Variants in GRB10 observed in about 807,000 individuals in gnomAD.
GRB10 encodes growth factor receptor-bound protein 10.
A neutral mutation model predicts 80.9 loss-of-function variants in GRB10; 20 were observed. The observed-to-expected ratio is 0.25, with a 90% confidence interval of 0.17 to 0.36. The LOEUF is 0.36. GRB10 is among the 10% of genes least tolerant of loss of function. The pLI is 1.00. For missense variants in GRB10, 548 were observed against 747.7 expected (o/e 0.73, Z 3.12); for synonymous variants, 291 against 291.5 (o/e 1.00, Z 0.02).
At chr7:50,606,596 C>T in intron 13 of GRB10, 182 bp from the exon 14 acceptor site, 1 of 621,782 alleles carries the variant, frequency 1.6e-6, no homozygotes, top group East Asian at 2.8e-5. Context: ...CAATGACGCC[C>T]CTTGAAATAA....
intron 2 of GRB10, among the ~76,000 whole-genome samples, chr7:50,765,114 A>G (rs1191217907): frequency 1.3e-5 from 2 of 152,232 alleles, no homozygotes; most frequent in African/African-American, 4.8e-5. Flanking sequence ...AATCAAAACC[A>G]CAATAAGATA....
chr7:50,615,024 G>GGT, intron 11 of GRB10, 144 bp from the exon 12 acceptor site: 1 of 691,896 alleles, frequency 1.4e-6, no homozygotes, highest in Non-Finnish European at 2.6e-6. Context: ...TATTACGCGA[G>GGT]GTGTAATAAG....
intron 7 of GRB10, among the ~76,000 whole-genome samples, chr7:50,660,824 G>GCATCTTATC (rs143375879): frequency 0.27 from 40,670 of 151,768 alleles, 6,649 homozygotes; most frequent in Middle Eastern, 0.5. Context: ...TGATGGCGCA[G>GCATCTTATC]CATCTTATCC....
intron 3 of GRB10, among the ~76,000 whole-genome samples, chr7:50,743,450 C>T (rs775837114): frequency 4.6e-5 from 7 of 152,206 alleles, no homozygotes; most frequent in African/African-American, 1.4e-4. Context: ...CGCAGTGCTG[C>T]GAAGCACAGC....
chr7:50,738,534 G>A (rs971763500), intron 3 of GRB10, among the ~76,000 whole-genome samples: 1 of 152,208 alleles, frequency 6.6e-6, no homozygotes, highest in Non-Finnish European at 1.5e-5. Context: ...AAATTCATGG[G>A]ATCAAGCAAT....
rs1024959692 is a variant in GRB10, at chr7:50,612,843, C to G, written c.1096-4G>C. On this transcript the variant is annotated splice_polypyrimidine_tract_variant and splice_region_variant and intron_variant, in intron 12 of 18. Coordinates refer to ENST00000401949, the MANE Select transcript of GRB10 (RefSeq NM_001350814.2). ...TTTCATTCCTGACTTTGTTTGGCTA[C>G]AGGAGGTAAAAGAAAGTCCTGTTAG... 1 of 1,608,702 alleles carries G rather than the reference C, an allele frequency of 6.2e-7. No homozygotes were observed. The highest frequency in any genetic ancestry group is 8.5e-7 in the Non-Finnish European group (1 of 1,175,394).
intron 13 of GRB10, among the ~76,000 whole-genome samples, chr7:50,609,837 G>A (rs1231954291): frequency 6.6e-6 from 1 of 152,232 alleles, no homozygotes; most frequent in Admixed American, 6.5e-5. Flanking sequence ...TGAGACAAAA[G>A]ATTATCTGCT....
At chr7:50,616,834 A>G (rs1013910192) in intron 10 of GRB10, among the ~76,000 whole-genome samples, 16 of 152,252 alleles carry the variant, frequency 1.1e-4, no homozygotes, top group African/African-American at 3.4e-4. Context: ...TCCCACAGGC[A>G]GCCTTAAGAA....
intron 3 of GRB10, among the ~76,000 whole-genome samples, chr7:50,740,777 T>C (rs909079014): frequency 6.6e-6 from 1 of 150,820 alleles, no homozygotes; most frequent in African/African-American, 2.4e-5. Flanking sequence ...TAGCAGTAAA[T>C]GTCAGTCATC....
intron 2 of GRB10, among the ~76,000 whole-genome samples, chr7:50,757,367 T>C (rs552200775): frequency 1.3e-5 from 2 of 152,362 alleles, no homozygotes; most frequent in South Asian, 4.1e-4. Flanking sequence ...TAAACAAATG[T>C]ATACTCATCA....
At position 50,628,651 on chromosome 7, in the gene GRB10, G is replaced by A. The variant is rs548208189; in HGVS notation, c.505-1673C>T. 5.3e-5 allele frequency among the ~76,000 whole-genome samples: 8 copies of A among 152,250 alleles called. No homozygotes were observed. The South Asian group carries it at 1.5e-3, about 28-fold the overall frequency. ...GGCAGGTTAGCCTCCCAGCAGACGG[G>A]GGACCAGCCAGGGGAGCCTGCACTC... On this transcript the variant is annotated intron_variant, in intron 7 of 18. Coordinates refer to ENST00000401949, the MANE Select transcript of GRB10 (RefSeq NM_001350814.2).
intron 4 of GRB10, among the ~76,000 whole-genome samples, chr7:50,724,229 T>C (rs1165683504): frequency 1.3e-5 from 2 of 152,202 alleles, no homozygotes; most frequent in Non-Finnish European, 2.9e-5. Flanking sequence ...TATCCTGAGA[T>C]AGCCAAGACT....
chr7:50,680,935 C>T (rs1000901997), intron 5 of GRB10, among the ~76,000 whole-genome samples: 3 of 152,116 alleles, frequency 2.0e-5, no homozygotes, highest in Admixed American at 2.0e-4. Flanking sequence ...GACCCTCCTC[C>T]AAGAAGATCC....
At chr7:50,760,101 G>A (rs915033973) in intron 2 of GRB10, among the ~76,000 whole-genome samples, 1 of 152,158 alleles carries the variant, frequency 6.6e-6, no homozygotes, top group Non-Finnish European at 1.5e-5. Flanking sequence ...TCCCTCTACG[G>A]CCATGCAGAC....
In GRB10 at chr7:50,662,129, G is replaced by A. The variant is rs554534598; in HGVS notation, c.504+7593C>T. ...CTGCAATGTTGTGGAGTTGGAGTCT[G>A]GCCCCATGCCCAGGTGCCTTGACCT... On this transcript the variant is annotated intron_variant, in intron 7 of 18. Transcript: ENST00000401949. 3.9e-5 allele frequency among the ~76,000 whole-genome samples: 6 copies of A among 152,336 alleles called. No individual in the cohort carries two copies. The East Asian group carries it at 9.7e-4, about 25-fold the overall frequency.
At chr7:50,764,047 C>T (rs1459746381) in intron 2 of GRB10, among the ~76,000 whole-genome samples, 1 of 152,250 alleles carries the variant, frequency 6.6e-6, no homozygotes, top group Non-Finnish European at 1.5e-5. Flanking sequence ...GCCTGGCCTC[C>T]TCCAGGTTCT....
chr7:50,771,063 C>T (rs1340219328), intron 2 of GRB10, among the ~76,000 whole-genome samples: 2 of 152,162 alleles, frequency 1.3e-5, no homozygotes, highest in Non-Finnish European at 2.9e-5. Context: ...GCCAAACCTC[C>T]ACCCCTAGAC....
At chr7:50,750,567 G>C (rs921186815) in intron 3 of GRB10, among the ~76,000 whole-genome samples, 1 of 152,192 alleles carries the variant, frequency 6.6e-6, no homozygotes, top group Non-Finnish European at 1.5e-5. Context: ...AAGACATCTA[G>C]AAGTGCTAGG....
At chr7:50,684,324 C>A (rs2061872781) in intron 5 of GRB10, among the ~76,000 whole-genome samples, 1 of 79,296 alleles carries the variant, frequency 1.3e-5, no homozygotes. Flanking sequence ...TACTTTGATT[C>A]CAGTGAGATT....
Sources: allele counts gnomAD v4.1 joint callset (sites outside exome capture counted in the v4.1 genomes callset), GRCh38; gene constraint gnomAD v4.1.1; transcripts MANE v1.5; gene names NCBI Gene and HGNC (gene_info 2026-07-23, HGNC 2026-07-21).